The following TSC22D1 variants were observed in gnomAD, a reference collection of about 807,000 sequenced individuals.
TSC22D1 encodes TSC22 domain family protein 1.
TSC22D1 carries 9 observed loss-of-function variants against 74.2 expected under a neutral mutation model. The ratio of observed to expected loss-of-function variants is 0.12; its 90% CI spans 0.07 to 0.21. TSC22D1 has a LOEUF of 0.21. TSC22D1 is among the 10% of genes least tolerant of loss of function. The pLI is 1.00. For missense variants in TSC22D1, 1,427 were observed against 1,304.7 expected, an observed-to-expected ratio of 1.09 and a Z score of -1.44; for synonymous variants, 586 against 492.5, an observed-to-expected ratio of 1.19 and a Z score of -2.51.
chr13:44,445,216 TACACACACACACACACACACAC>T (rs55714213), intron 1 of TSC22D1, among the ~76,000 whole-genome samples: 21 of 144,676 alleles, frequency 1.5e-4, no homozygotes, highest in African/African-American at 4.1e-4. Flanking sequence ...AGGTCAAAGA[TACACACACACACACACACACAC>T]ACACACACAC....
At position 44,574,905 on chromosome 13, in the gene TSC22D1, C is replaced by T. The variant is rs778006472; in HGVS notation, c.1170G>A (p.Gly390=). ...SVPNAAAGMT[G]GSVSSQQQQP... ...GTTGCTGCTGACTTGAAACCGATCC[C>T]CCAGTCATCCCTGCAGCTGCATTAG... The change falls in exon 1 of 3, where the codon GGG becomes GGA. Residue 390 remains glycine (G), a synonymous_variant. Transcript: ENST00000458659. 3.7e-6 allele frequency: 6 copies of T among 1,614,102 alleles called. No individual in the cohort carries two copies. Among genetic ancestry groups the T allele is most frequent in the Non-Finnish European group, 5.1e-6 (6 of 1,180,022 alleles).
At position 44,574,842 on chromosome 13, in the gene TSC22D1, C is replaced by T. The variant is rs1442229033; in HGVS notation, c.1233G>A (p.Lys411=). The change falls in exon 1 of 3, where the codon AAG becomes AAA. Residue 411 remains lysine (K), a synonymous_variant. Transcript: ENST00000458659. ...TAAAGGGCTCAGAACTAGAATCTAA[C>T]TTCACAACTCTGAACCTCGAAGTGT... ...TVNTSRFRVV[K]LDSSSEPFKK... The T allele has an allele frequency of 6.2e-7, 1 of 1,614,062 alleles. No homozygotes were observed. Among genetic ancestry groups the T allele is most frequent in the Non-Finnish European group, 8.5e-7 (1 of 1,180,048 alleles).
chr13:44,508,619 C>T (rs1879546196), intron 1 of TSC22D1, among the ~76,000 whole-genome samples: 1 of 152,138 alleles, frequency 6.6e-6, no homozygotes, highest in African/African-American at 2.4e-5. Flanking sequence ...GACTATGTTG[C>T]CCACCACCCA....
At chr13:44,458,824 C>T (rs976061070) in intron 1 of TSC22D1, among the ~76,000 whole-genome samples, 4 of 152,204 alleles carry the variant, frequency 2.6e-5, no homozygotes, top group Non-Finnish European at 4.4e-5. Flanking sequence ...TACTCTGCCT[C>T]GGCCCCCTCT....
intron 1 of TSC22D1, chr13:44,436,589 C>T (rs1373224720): frequency 6.2e-7 from 1 of 1,614,014 alleles, no homozygotes; most frequent in African/African-American, 1.3e-5. Context: ...TGGTAAACTC[C>T]TAGATCCATC....
At chr13:44,569,875 AT>A (rs1223704891) in intron 1 of TSC22D1, among the ~76,000 whole-genome samples, 1 of 152,270 alleles carries the variant, frequency 6.6e-6, no homozygotes, top group Non-Finnish European at 1.5e-5. Flanking sequence ...ATTCAAAAAA[AT>A]AATTCATCCC....
Position 44,433,302 on chromosome 13 carries a change from T to C in TSC22D1, c.*1324A>G, listed in dbSNP as rs1434880937. 6.6e-6 allele frequency: 1 copy of C among 152,264 alleles called. No homozygotes were observed. Among genetic ancestry groups the C allele is most frequent in the East Asian group, 1.9e-4 (1 of 5,200 alleles). The allele number at this position is 152,264 out of a possible 1,614,324, so 9.4% of individuals were successfully genotyped here. A position where few individuals can be genotyped will look rare whatever the true frequency, so the allele number is the denominator to read the frequency against. On this transcript the variant is annotated 3_prime_UTR_variant, in exon 3 of 3. Coordinates refer to ENST00000458659, the MANE Select transcript of TSC22D1 (RefSeq NM_183422.4). ...GAAGCAACCTGTCCAAGTCACACAG[T>C]AGTTAGAATTGAGCTGGACTCCTCC...
intron 1 of TSC22D1, among the ~76,000 whole-genome samples, chr13:44,477,329 A>G (rs1322564703): frequency 1.3e-5 from 2 of 152,246 alleles, no homozygotes; most frequent in African/African-American, 4.8e-5. Flanking sequence ...GATTGATTTT[A>G]AAAATTTAAA....
chr13:44,561,258 A>G (rs1336041283), intron 1 of TSC22D1, among the ~76,000 whole-genome samples: 1 of 152,140 alleles, frequency 6.6e-6, no homozygotes, highest in Non-Finnish European at 1.5e-5. Context: ...ACAATGACAG[A>G]GAATATGCCT....
chr13:44,533,814 T>C (rs1451283478), intron 1 of TSC22D1, among the ~76,000 whole-genome samples: 1 of 152,062 alleles, frequency 6.6e-6, no homozygotes, highest in Admixed American at 6.6e-5. Context: ...ACAAAAATAG[T>C]ATCCTGAATG....
At position 44,451,792 on chromosome 13, in the gene TSC22D1, G is replaced by A. The variant is rs369556075; in HGVS notation, c.2913-15697C>T. On this transcript the variant is annotated intron_variant, in intron 1 of 2. Coordinates refer to ENST00000458659, the MANE Select transcript of TSC22D1 (RefSeq NM_183422.4). ...CATGTCAGGGGCTGAGCAGACCCCA[G>A]TGAGCTATAGGGGGCACAGCCCCTT... Among the ~76,000 whole-genome samples, 6 of 152,238 alleles carry A rather than the reference G, an allele frequency of 3.9e-5. No individual in the cohort carries two copies. In the East Asian group the frequency reaches 7.7e-4, roughly 20 times the overall value.
chr13:44,504,010 G>C (rs1879328704), intron 1 of TSC22D1, among the ~76,000 whole-genome samples: 2 of 151,680 alleles, frequency 1.3e-5, no homozygotes, highest in Non-Finnish European at 2.9e-5. Flanking sequence ...TATATAGCTG[G>C]ACTCTATTTT....
At chr13:44,465,710 C>T (rs4941504) in intron 1 of TSC22D1, among the ~76,000 whole-genome samples, 57,230 of 152,150 alleles carry the variant, frequency 0.38, 10,900 homozygotes, top group Non-Finnish European at 0.41. Flanking sequence ...CAGTGGCTCA[C>T]GCCTGTAATC....
intron 1 of TSC22D1, among the ~76,000 whole-genome samples, chr13:44,530,423 T>G (rs1348644002): frequency 4.6e-5 from 7 of 151,792 alleles, no homozygotes; most frequent in Non-Finnish European, 5.9e-5. Flanking sequence ...TAGATCTAAA[T>G]GTAAATCACA....
In TSC22D1 at chr13:44,432,636, A is replaced by G. The variant is rs1874141564; in HGVS notation, c.*1990T>C. 1 of 152,180 alleles carries G rather than the reference A, an allele frequency of 6.6e-6. No individual in the cohort carries two copies. The highest frequency in any genetic ancestry group is 6.5e-5 in the Admixed American group (1 of 15,284). The allele number at this position is 152,180 out of a possible 1,614,324, so 9.4% of individuals were successfully genotyped here. On this transcript the variant is annotated 3_prime_UTR_variant, in exon 3 of 3. Transcript: ENST00000458659. ...TCTTTTTAGGGATCTTGGATGTCCC[A>G]TTCACCTCTCAATCTCCCACCAGCT...
At chr13:44,554,403 T>C (rs761016954) in intron 1 of TSC22D1, among the ~76,000 whole-genome samples, 1 of 152,170 alleles carries the variant, frequency 6.6e-6, no homozygotes, top group Non-Finnish European at 1.5e-5. Context: ...GTATACCATA[T>C]ACAGAATAAC....
Position 44,434,740 on chromosome 13 carries a change from A to C in TSC22D1, c.3108T>G (p.Leu1036=). 1 of 1,613,772 alleles carries C rather than the reference A, an allele frequency of 6.2e-7. No homozygotes were observed. The highest frequency in any genetic ancestry group is 8.5e-7 in the Non-Finnish European group (1 of 1,179,994). The change falls in exon 3 of 3, where the codon CTT becomes CTG. Residue 1036 remains leucine, a synonymous_variant. Transcript: ENST00000458659. ...TCTGCAGCTGGGCCTGAAACTGGGC[A>C]AGCTGCTCAGGACTGGCCAGTGTCT... ...LLKTLASPEQ[L]AQFQAQLQTG...
chr13:44,530,817 G>A (rs1303785726), intron 1 of TSC22D1, among the ~76,000 whole-genome samples: 1 of 152,146 alleles, frequency 6.6e-6, no homozygotes, highest in African/African-American at 2.4e-5. Flanking sequence ...ACACCTATTA[G>A]AGTAGCTACA....
intron 1 of TSC22D1, among the ~76,000 whole-genome samples, chr13:44,472,754 G>C (rs910940855): frequency 6.6e-6 from 1 of 152,166 alleles, no homozygotes; most frequent in Non-Finnish European, 1.5e-5. Context: ...AGACTGCAGT[G>C]AGCCATGACC....
Sources: allele counts gnomAD v4.1 joint callset (sites outside exome capture counted in the v4.1 genomes callset), GRCh38; gene constraint gnomAD v4.1.1; transcripts MANE v1.5; gene names NCBI Gene and HGNC (gene_info 2026-07-23, HGNC 2026-07-21).